RMDN1: variants seen among roughly 807,000 people sequenced by gnomAD.
The protein encoded by RMDN1 is regulator of microtubule dynamics 1.
Under a neutral mutation model 48.9 loss-of-function variants are expected in RMDN1, and 48 were observed. The ratio of observed to expected loss-of-function variants is 0.98; its 90% CI spans 0.78 to 1.25. The LOEUF (loss-of-function observed/expected upper bound fraction) is 1.25. RMDN1 is among the 50% of genes most tolerant of loss of function. RMDN1 has a pLI of 0.00. For synonymous variants in RMDN1, 148 were observed against 132.6 expected (o/e 1.12, Z -0.80); for missense variants, 418 against 373.4 (o/e 1.12, Z -0.98).
At chr8:86,497,758 A>T (rs1051762751) in intron 2 of RMDN1, among the ~76,000 whole-genome samples, 3 of 152,110 alleles carry the variant, frequency 2.0e-5, no homozygotes, top group Admixed American at 2.0e-4. Flanking sequence ...CCAGATAAAC[A>T]TAATCAGAAT....
At chr8:86,504,364 T>TTTAGAGTATCCAGCTACC (rs1563659597) in intron 2 of RMDN1, 3 of 1,572,354 alleles carry the variant, frequency 1.9e-6, no homozygotes, top group East Asian at 4.5e-5. Flanking sequence ...GCTGGAGTTC[T>TTTAGAGTATCCAGCTACC]TTAGAGTATC....
chr8:86,504,322 G>A (rs1259994552), intron 2 of RMDN1: 5 of 1,579,708 alleles, frequency 3.2e-6, no homozygotes, highest in East Asian at 2.2e-5. Context: ...AGATGAGAGT[G>A]CAAGGATGTC....
intron 2 of RMDN1, chr8:86,504,518 G>A (rs538577439): frequency 1.9e-5 from 28 of 1,464,796 alleles, no homozygotes; most frequent in African/African-American, 1.7e-4. Context: ...ATTGGTGCAC[G>A]TGTGTTTAAT....
Position 86,484,947 on chromosome 8 carries a change from G to T in RMDN1, c.510C>A (p.Cys170Ter), listed in dbSNP as rs11539113. The change falls in exon 5 of 10, where the codon TGC becomes TGA. Residue 170 changes from cysteine to a stop codon, truncating the protein, a stop_gained. Transcript: ENST00000406452. LOFTEE classifies it high-confidence loss of function. ...SFASHKWYAI[C>*]LSDVGDYEGI... is the part of the protein sequence containing the mutation. ...CTTCATAATCTCCAACATCACTAAG[G>T]CAGATTGCATACCACTGAAAATTTA... 3.8e-6 allele frequency: 6 copies of T among 1,592,274 alleles called. No individual in the cohort carries two copies. The South Asian group carries it at 6.7e-5, about 18-fold the overall frequency.
chr8:86,474,794 G>T, intron 9 of RMDN1, 26 bp downstream of exon 9: 1 of 1,594,248 alleles, frequency 6.3e-7, no homozygotes, highest in Non-Finnish European at 8.5e-7. Context: ...AAACCTTTCT[G>T]CCTTACTTTA....
At chr8:86,493,927 T>TC (rs1331479017) in intron 2 of RMDN1, among the ~76,000 whole-genome samples, 4 of 152,072 alleles carry the variant, frequency 2.6e-5, no homozygotes, top group African/African-American at 9.7e-5. Flanking sequence ...CGGAAACACT[T>TC]CTAGTCCCAA....
rs1330985731 is a variant in RMDN1 at position 86,488,565 on chromosome 8, G to C, written c.322C>G (p.Gln108Glu). 6.2e-7 allele frequency: 1 copy of C among 1,606,826 alleles called. No individual in the cohort carries two copies. Among genetic ancestry groups the C allele is most frequent in the East Asian group, 2.3e-5 (1 of 44,412 alleles). Residue 108 changes from glutamine (Q) to glutamate (E), a missense_variant, in exon 3 of 10, where the codon CAA becomes GAA. Coordinates refer to ENST00000406452, the MANE Select transcript of RMDN1 (RefSeq NM_016033.3). ...TACATTGCTTACCTTTCCTTGTATT[G>C]GGTTAGCAACTGATAAAGTTTTTCT... ...ETEKLYQLLT[Q>E]YKESEDAELL...
At chr8:86,469,301 A>T (rs1812357691), downstream of RMDN1, among the ~76,000 whole-genome samples, 1 of 152,084 alleles carries the variant, frequency 6.6e-6, no homozygotes, top group Non-Finnish European at 1.5e-5. Flanking sequence ...ATAGGATGGT[A>T]TGTGTCAACT....
At chr8:86,490,136 T>C (rs1243845707) in intron 2 of RMDN1, among the ~76,000 whole-genome samples, 1 of 152,184 alleles carries the variant, frequency 6.6e-6, no homozygotes, top group African/African-American at 2.4e-5. Context: ...CGTGGCTGAA[T>C]CACAAAGTTT....
At chr8:86,505,019 G>A in intron 2 of RMDN1, 3 of 1,481,082 alleles carry the variant, frequency 2.0e-6, no homozygotes, top group African/African-American at 1.4e-5. Context: ...ATGGCATCAT[G>A]GAGATGAACA....
At chr8:86,503,770 G>A (rs1341845348) in intron 2 of RMDN1, 3 of 501,184 alleles carry the variant, frequency 6.0e-6, no homozygotes, top group Non-Finnish European at 1.2e-5. Context: ...TCTGGTCCTT[G>A]TCTGTGGCCA....
chr8:86,488,282 TATCTTGTATC>T (rs1815835082), intron 3 of RMDN1, among the ~76,000 whole-genome samples: 1 of 152,202 alleles, frequency 6.6e-6, no homozygotes, highest in Non-Finnish European at 1.5e-5. Flanking sequence ...ATTCAATAAC[TATCTTGTATC>T]ATCTAAAGCA....
intron 2 of RMDN1, chr8:86,505,068 G>A: frequency 2.1e-6 from 3 of 1,418,564 alleles, no homozygotes; most frequent in Non-Finnish European, 2.8e-6. Context: ...CAATGTCTAA[G>A]TCATGCCTCC....
chr8:86,504,970 T>C lies in RMDN1; in HGVS notation c.247+2025A>G. On this transcript the variant is annotated intron_variant, in intron 2 of 9. Coordinates refer to ENST00000406452, the MANE Select transcript of RMDN1 (RefSeq NM_016033.3). ...GCTTTTGAGGATATCACATGGGCCTTTAAAAGGCAGGCACATGGTGCAGAT... is the reference window on the plus strand; with the variant it reads ...GCTTTTGAGGATATCACATGGGCCTCTAAAAGGCAGGCACATGGTGCAGAT... 2.8e-6 allele frequency: 4 copies of C among 1,433,230 alleles called. No homozygotes were observed. In the South Asian group the frequency reaches 3.4e-5, roughly 12 times the overall value. The allele number at this position is 1,433,230 out of a possible 1,614,324, so 88.8% of individuals were successfully genotyped here. A position where few individuals can be genotyped will look rare whatever the true frequency, so the allele number is the denominator to read the frequency against.
chr8:86,474,264 G>T lies in RMDN1; in HGVS notation c.*44C>A, dbSNP rs1170724218. On this transcript the variant is annotated 3_prime_UTR_variant, in exon 10 of 10. Coordinates refer to ENST00000406452, the MANE Select transcript of RMDN1 (RefSeq NM_016033.3). Reference sequence around the variant, plus strand: ...TATTAAGTTTAGAATTAAAAGAAAAGGCAATGTTTATTAGCTATTTCATAA... The same window carrying T: ...TATTAAGTTTAGAATTAAAAGAAAATGCAATGTTTATTAGCTATTTCATAA... The T allele has an allele frequency of 7.5e-6, 12 of 1,609,066 alleles. No homozygotes were observed. The highest frequency in any genetic ancestry group is 1.0e-5 in the Non-Finnish European group (12 of 1,178,102).
chr8:86,472,124 T>G (rs1275676980), downstream of RMDN1, among the ~76,000 whole-genome samples: 2 of 152,210 alleles, frequency 1.3e-5, no homozygotes, highest in African/African-American at 4.8e-5. Context: ...CTGACACATT[T>G]GGGGTGAACT....
At chr8:86,469,467 C>T (rs573605914), downstream of RMDN1, among the ~76,000 whole-genome samples, 204 of 152,162 alleles carry the variant, frequency 1.3e-3, no homozygotes, top group Non-Finnish European at 1.7e-3. Flanking sequence ...TAAGGAGGAC[C>T]GTGAGCTGTC....
At chr8:86,504,396 C>G in intron 2 of RMDN1, 1 of 1,561,526 alleles carries the variant, frequency 6.4e-7, no homozygotes, top group Non-Finnish European at 8.8e-7. Context: ...AGCCAATCAT[C>G]ATTTCCATTG....
At chr8:86,500,637 T>C (rs1563649094) in intron 2 of RMDN1, among the ~76,000 whole-genome samples, 1 of 152,094 alleles carries the variant, frequency 6.6e-6, no homozygotes, top group Non-Finnish European at 1.5e-5. Flanking sequence ...TTTGGAGATT[T>C]CTTTAAAAAA....
Sources: allele counts gnomAD v4.1 joint callset (sites outside exome capture counted in the v4.1 genomes callset), GRCh38; gene constraint gnomAD v4.1.1; transcripts MANE v1.5; gene names NCBI Gene and HGNC (gene_info 2026-07-23, HGNC 2026-07-21).